IQSEC1: variants seen among roughly 807,000 people sequenced by gnomAD.
IQSEC1 encodes the protein IQ motif and SEC7 domain-containing protein 1.
Under a neutral mutation model 91.0 loss-of-function variants are expected in IQSEC1, and 31 were observed. The observed-to-expected ratio is 0.34, with a 90% CI of 0.26 to 0.46. The LOEUF (loss-of-function observed/expected upper bound fraction) is 0.46, where lower values mean the gene tolerates loss of function less well. IQSEC1 is among the 20% of genes least tolerant of loss of function. IQSEC1 has a pLI of 1.00. For missense variants in IQSEC1, 1,388 were observed against 1,575.6 expected, an observed-to-expected ratio of 0.88 and a Z score of 2.02; for synonymous variants, 699 against 662.6, an observed-to-expected ratio of 1.05 and a Z score of -0.84.
At chr3:13,034,545 G>C (rs901306603) in intron 1 of IQSEC1, among the ~76,000 whole-genome samples, 1 of 152,176 alleles carries the variant, frequency 6.6e-6, no homozygotes. Context: ...AGCCAGTGTG[G>C]AGCCTGTTGG....
chr3:13,239,998 G>A lies in IQSEC1; in HGVS notation c.272+42713C>T, dbSNP rs112663898. ...TAAGTGTGCTAATGCCACTTTGCGC[G>A]CACTGGAAAACTGGTTAAAAGGGTA... On this transcript the variant is annotated intron_variant, in intron 1 of 15. Transcript: ENST00000648114. Among the ~76,000 whole-genome samples the A allele has an allele frequency of 1.6e-4, 25 of 152,230 alleles. 1 individual carries two copies. Among genetic ancestry groups the A allele is most frequent in the African/African-American group, 4.1e-4 (17 of 41,532 alleles).
At chr3:13,154,923 A>G (rs1707062082) in intron 2 of IQSEC1, among the ~76,000 whole-genome samples, 1 of 152,184 alleles carries the variant, frequency 6.6e-6, no homozygotes, top group Admixed American at 6.5e-5. Flanking sequence ...AAGGACAATT[A>G]GAAAGTACTT....
intron 1 of IQSEC1, chr3:13,022,066 A>G (rs775464517): frequency 3.2e-6 from 4 of 1,231,814 alleles, no homozygotes; most frequent in Middle Eastern, 3.1e-4. Flanking sequence ...GTACTTCCAC[A>G]TAAGGCTCCA....
intron 1 of IQSEC1, among the ~76,000 whole-genome samples, chr3:13,255,339 T>A (rs2125122049): frequency 6.6e-6 from 1 of 152,246 alleles, no homozygotes. Flanking sequence ...TGAGGACACC[T>A]GAAGGGCCCT....
chr3:13,196,261 C>A (rs1335939635), intron 1 of IQSEC1, among the ~76,000 whole-genome samples: 1 of 152,162 alleles, frequency 6.6e-6, no homozygotes, highest in African/African-American at 2.4e-5. Context: ...AGTGACAGAG[C>A]CTTCAGGTGA....
At chr3:12,991,469 G>A (rs1213707461) in intron 1 of IQSEC1, among the ~76,000 whole-genome samples, 1 of 152,222 alleles carries the variant, frequency 6.6e-6, no homozygotes, top group Non-Finnish European at 1.5e-5. Context: ...AACAGAATGG[G>A]CTTTTGCCAG....
At chr3:13,099,791 CCT>C (rs1706026629) in intron 2 of IQSEC1, among the ~76,000 whole-genome samples, 1 of 152,240 alleles carries the variant, frequency 6.6e-6, no homozygotes, top group African/African-American at 2.4e-5. Flanking sequence ...ACCCCCAGCT[CCT>C]CTCTCTGTGA....
intron 2 of IQSEC1, among the ~76,000 whole-genome samples, chr3:13,113,730 G>A (rs948746917): frequency 2.6e-5 from 4 of 152,330 alleles, no homozygotes; most frequent in South Asian, 2.1e-4. Flanking sequence ...AGCGTGGGCC[G>A]CATGGCAGGG....
chr3:13,059,429 C>T (rs1380261309), intron 1 of IQSEC1, among the ~76,000 whole-genome samples: 1 of 152,130 alleles, frequency 6.6e-6, no homozygotes. Flanking sequence ...CACCCCCTGA[C>T]CACACAGCAC....
At chr3:13,054,017 C>T (rs988199051) in intron 1 of IQSEC1, among the ~76,000 whole-genome samples, 1 of 152,170 alleles carries the variant, frequency 6.6e-6, no homozygotes, top group Non-Finnish European at 1.5e-5. Flanking sequence ...GAAACACTTT[C>T]CCCCACTTCG....
chr3:13,068,383 A>T (rs1195567203), intron 1 of IQSEC1, among the ~76,000 whole-genome samples: 1 of 152,220 alleles, frequency 6.6e-6, no homozygotes, highest in East Asian at 1.9e-4. Flanking sequence ...ACATCATGCC[A>T]GGCCATGCCA....
rs1157109680 is a variant in IQSEC1 at position 12,936,635 on chromosome 3, G to T, written c.381C>A (p.Ile127=). 3.1e-6 allele frequency: 5 copies of T among 1,610,332 alleles called. No homozygotes were observed. In the African/African-American group the frequency reaches 4.0e-5, roughly 13 times the overall value. Residue 127 remains isoleucine, a synonymous_variant, in exon 3 of 14, where the codon ATC becomes ATA. Coordinates refer to ENST00000613206, the MANE Select transcript of IQSEC1 (RefSeq NM_001134382.3). ...RLVTRHAART[I]QTAFRQYQMN... Reference sequence around the variant, plus strand: ...TCTGGTACTGGCGAAACGCCGTCTGGATGGTGCGGGCCGCATGGCGGGTTA... The same window carrying T: ...TCTGGTACTGGCGAAACGCCGTCTGTATGGTGCGGGCCGCATGGCGGGTTA...
chr3:12,959,408 C>G (rs1031635044), intron 1 of IQSEC1, among the ~76,000 whole-genome samples: 2 of 152,206 alleles, frequency 1.3e-5, no homozygotes, highest in African/African-American at 4.8e-5. Context: ...CATTCCACAC[C>G]CCGCCCTCCA....
chr3:13,146,660 C>T (rs1187861220), intron 2 of IQSEC1, among the ~76,000 whole-genome samples: 2 of 152,108 alleles, frequency 1.3e-5, no homozygotes, highest in East Asian at 1.9e-4. Flanking sequence ...GCCAATATGG[C>T]GAAGCTCCGT....
rs1698028526 is a variant in IQSEC1 at position 12,934,906 on chromosome 3, T to G, written c.1568+542A>C. Among the ~76,000 whole-genome samples the G allele has an allele frequency of 2.0e-5, 3 of 150,680 alleles. 1 individual carries two copies. The South Asian group carries it at 6.4e-4, about 32-fold the overall frequency. On this transcript the variant is annotated intron_variant, in intron 3 of 13. Transcript: ENST00000613206. ...CCTGCATCTGTCTGAGTTCCTTCCA[T>G]CCAGGACACGGTTCTGGGTCTGGCC...
chr3:12,964,374 C>T (rs934136267), intron 1 of IQSEC1, among the ~76,000 whole-genome samples: 13 of 151,918 alleles, frequency 8.6e-5, no homozygotes, highest in African/African-American at 2.9e-4. Context: ...TGTTTGAGCC[C>T]ATCTGGGCTG....
At position 13,143,508 on chromosome 3, in the gene IQSEC1, T is replaced by C. The variant is rs958934717; in HGVS notation, c.302+20596A>G. Among the ~76,000 whole-genome samples, 7 of 152,248 alleles carry C rather than the reference T, an allele frequency of 4.6e-5. No homozygotes were observed. In the East Asian group the frequency reaches 9.6e-4, roughly 21 times the overall value. ...ACCTGCTCTCTCAGCCATCACGCCA[T>C]CTCCCACCCAAACAGGGGAGCAGCT... is the stretch of plus-strand genomic sequence containing the variant. On this transcript the variant is annotated intron_variant, in intron 2 of 15. Transcript: ENST00000648114.
rs1273528913 is a variant in IQSEC1, at chr3:12,979,081, G to C, written c.24-37216C>G. Among the ~76,000 whole-genome samples, 1 of 152,222 alleles carries C rather than the reference G, an allele frequency of 6.6e-6. No homozygotes were observed. The highest frequency in any genetic ancestry group is 1.5e-5 in the Non-Finnish European group (1 of 68,050). The stretch of plus-strand genomic sequence containing the variant: ...CTTCATCCTGTGAGGGTGTAAGCAG[G>C]AGTGGGAGTGACCTGGGTTTAGTTT... On this transcript the variant is annotated intron_variant, in intron 1 of 13. Coordinates refer to ENST00000613206, the MANE Select transcript of IQSEC1 (RefSeq NM_001134382.3). The surrounding 1 kb of genome is among the most constrained non-coding windows in gnomAD (Gnocchi z 4.3).
chr3:12,999,249 C>T (rs934689364), intron 1 of IQSEC1, among the ~76,000 whole-genome samples: 1 of 152,068 alleles, frequency 6.6e-6, no homozygotes, highest in African/African-American at 2.4e-5. Context: ...TGATGCCATA[C>T]CAGCTCCAGA....
Sources: allele counts gnomAD v4.1 joint callset (sites outside exome capture counted in the v4.1 genomes callset), GRCh38; gene constraint gnomAD v4.1.1; non-coding constraint Gnocchi (gnomAD v3.1); transcripts MANE v1.5; gene names NCBI Gene and HGNC (gene_info 2026-07-23, HGNC 2026-07-21).